Variants in MLF1 observed in about 807,000 individuals in gnomAD.
MLF1 encodes myelodysplasia-myeloid leukemia factor 1.
In MLF1, 37 loss-of-function variants were observed where a neutral mutation model predicts 38.3. The ratio of observed to expected loss-of-function variants is 0.96; its 90% confidence interval spans 0.74 to 1.27. MLF1 has a LOEUF of 1.27. Among genes scored for constraint, MLF1 ranks in the 50% most tolerant of loss-of-function variants. MLF1 has a pLI of 0.00. For synonymous variants in MLF1, 95 were observed against 106.5 expected, an observed-to-expected ratio of 0.89 and a Z score of 0.66; for missense variants, 331 against 349.2, an observed-to-expected ratio of 0.95 and a Z score of 0.42.
At chr3:158,603,460 T>A (rs1384488294) in intron 7 of MLF1, among the ~76,000 whole-genome samples, 1 of 152,216 alleles carries the variant, frequency 6.6e-6, no homozygotes, top group Non-Finnish European at 1.5e-5. Flanking sequence ...TTGGAAGAAT[T>A]TTGCAAGAAC....
intron 1 of MLF1, among the ~76,000 whole-genome samples, chr3:158,579,224 A>G (rs887770987): frequency 6.6e-6 from 1 of 152,156 alleles, no homozygotes; most frequent in Admixed American, 6.5e-5. Flanking sequence ...AAAATTTTTC[A>G]TTTGAGAAAA....
intron 1 of MLF1, among the ~76,000 whole-genome samples, chr3:158,586,408 A>T (rs1717269925): frequency 6.6e-6 from 1 of 152,148 alleles, no homozygotes; most frequent in African/African-American, 2.4e-5. Flanking sequence ...TACTGAGAGG[A>T]AATAATGGAG....
chr3:158,599,437 A>G (rs1271278016), intron 5 of MLF1, among the ~76,000 whole-genome samples: 1 of 152,226 alleles, frequency 6.6e-6, no homozygotes, highest in Non-Finnish European at 1.5e-5. Flanking sequence ...TCTTACATAT[A>G]AAGATGAACC....
chr3:158,594,602 AG>A (rs1165053485), intron 3 of MLF1, among the ~76,000 whole-genome samples: 1 of 152,200 alleles, frequency 6.6e-6, no homozygotes, highest in Admixed American at 6.5e-5. Context: ...AGGCTGTTGA[AG>A]CATTCTTGGT....
intron 1 of MLF1, among the ~76,000 whole-genome samples, chr3:158,575,017 A>G (rs551283503): frequency 1.3e-5 from 2 of 152,270 alleles, no homozygotes; most frequent in Non-Finnish European, 2.9e-5. Context: ...CAGAAGTGTA[A>G]TTTAAACTCT....
intron 1 of MLF1, among the ~76,000 whole-genome samples, chr3:158,586,279 A>T (rs1415138014): frequency 6.6e-6 from 1 of 151,970 alleles, no homozygotes; most frequent in Non-Finnish European, 1.5e-5. Context: ...AAATATATAT[A>T]AAAAAACCAT....
Position 158,592,478 on chromosome 3 carries a change from G to A in MLF1, c.92G>A (p.Arg31Lys). 6.2e-7 allele frequency: 1 copy of A among 1,611,736 alleles called. No individual in the cohort carries two copies. Among genetic ancestry groups the A allele is most frequent in the Non-Finnish European group, 8.5e-7 (1 of 1,179,198 alleles). Residue 31 changes from arginine to lysine, a missense_variant, in exon 2 of 8, where the codon AGA becomes AAA. Transcript: ENST00000466246. ...AHRENMRQMI[R>K]SFSEPFGRDL... ...CGAGAAAATATGCGACAGATGATAA[G>A]AAGTTTTTCTGAACCCTTTGGAAGA...
intron 2 of MLF1, 69 bp from the exon 3 acceptor site, chr3:158,593,313 A>C: frequency 2.5e-6 from 3 of 1,213,010 alleles, no homozygotes; most frequent in Non-Finnish European, 3.4e-6. Flanking sequence ...GTAAACATTT[A>C]ATTGGTAAAT....
chr3:158,583,931 C>T (rs1213386754), intron 1 of MLF1, among the ~76,000 whole-genome samples: 1 of 152,190 alleles, frequency 6.6e-6, no homozygotes, highest in Non-Finnish European at 1.5e-5. Context: ...ACTGGACCAA[C>T]TCTCTTGCAG....
At position 158,600,118 on chromosome 3, in the gene MLF1, G is replaced by T; in HGVS notation, c.558G>T (p.Lys186Asn). 6.8e-7 allele frequency: 1 copy of T among 1,475,540 alleles called. No individual in the cohort carries two copies. The highest frequency in any genetic ancestry group is 9.0e-7 in the Non-Finnish European group (1 of 1,105,892). 91.4% of individuals were successfully genotyped at this position (1,475,540 alleles called of 1,614,324 possible). A position where few individuals can be genotyped will look rare whatever the true frequency, so the allele number is the denominator to read the frequency against. The change falls in exon 6 of 8, where the codon AAG (lysine) becomes AAT (asparagine). Residue 186 changes from lysine to asparagine, a missense_variant. Lys to Asn is a moderately conservative substitution (Grantham distance 94). Coordinates refer to ENST00000466246, the MANE Select transcript of MLF1 (RefSeq NM_001369783.1). ...GAGCTCATGTCATTAAAAAGTCAAA[G>T]AACAAGAAGACTGGAGATGAAGAGG... ...HDRAHVIKKS[K>N]NKKTGDEEVN...
At chr3:158,588,622 AAAG>A (rs1431405318) in intron 1 of MLF1, among the ~76,000 whole-genome samples, 3 of 128,458 alleles carry the variant, frequency 2.3e-5, no homozygotes, top group Non-Finnish European at 5.5e-5. Context: ...AAAAAAAAAA[AAAG>A]CAGAAAAAAA....
In MLF1 at chr3:158,598,423, A is replaced by AC. The variant is rs1200976151; in HGVS notation, c.453+222dup. The stretch of plus-strand genomic sequence containing the variant: ...GTGGCATTTTTTTTGTAGCCCCCCC[A>AC]CCCCCCCGTGAGGGTGCCTTTTTTC... On this transcript the variant is annotated intron_variant, in intron 5 of 7. Transcript: ENST00000466246. Among the ~76,000 whole-genome samples the AC allele has an allele frequency of 5.6e-5, 7 of 125,740 alleles. No homozygotes were observed. In the South Asian group the frequency reaches 8.7e-4, roughly 16 times the overall value. The allele number at this position is 125,740 out of a possible 152,430, so 82.5% of individuals were successfully genotyped here. A position where few individuals can be genotyped will look rare whatever the true frequency, so the allele number is the denominator to read the frequency against.
At position 158,600,185 on chromosome 3, in the gene MLF1, CA is replaced by C; in HGVS notation, c.613+19del. On this transcript the variant is annotated intron_variant, in intron 6 of 7. Transcript: ENST00000466246. ...CAATATGAATGAAAGTAAGTTATCA[CA>C]AAAAAATAATATTCTTTCTTATAAA... 1.6e-5 allele frequency: 22 copies of C among 1,379,742 alleles called. No individual in the cohort carries two copies. Among genetic ancestry groups the C allele is most frequent in the South Asian group, 7.9e-5 (4 of 50,908 alleles). The allele number at this position is 1,379,742 out of a possible 1,614,324, so 85.5% of individuals were successfully genotyped here.
rs746078919 is a variant in MLF1 at position 158,582,707 on chromosome 3, G to GA, written c.48-9720dup. Reference sequence around the variant, plus strand: ...CATGAAATATATAAAGTGTTGAGAGGAAAAAAACCCACTGACCTAGAATTC... The same window carrying GA: ...CATGAAATATATAAAGTGTTGAGAGGAAAAAAAACCCACTGACCTAGAATTC... On this transcript the variant is annotated intron_variant, in intron 1 of 7. Transcript: ENST00000466246. The GA allele has an allele frequency of 2.8e-5, 14 of 500,088 alleles. 1 individual carries two copies. The highest frequency in any genetic ancestry group is 1.0e-4 in the East Asian group (3 of 30,070). The allele number at this position is 500,088 out of a possible 1,614,324, so 31.0% of individuals were successfully genotyped here. A position where few individuals can be genotyped will look rare whatever the true frequency, so the allele number is the denominator to read the frequency against.
intron 1 of MLF1, among the ~76,000 whole-genome samples, chr3:158,578,958 C>G (rs1715899365): frequency 6.6e-6 from 1 of 152,102 alleles, no homozygotes; most frequent in Admixed American, 6.6e-5. Flanking sequence ...GCAACATATA[C>G]CATGAACGTT....
intron 2 of MLF1, 124 bp from the exon 3 acceptor site, chr3:158,593,258 A>G (rs1267257175): frequency 1.3e-5 from 9 of 683,578 alleles, no homozygotes; most frequent in African/African-American, 1.9e-5. Context: ...AGGGGTTTCT[A>G]TAAAGATGAA....
chr3:158,585,144 G>T (rs564911544), intron 1 of MLF1, among the ~76,000 whole-genome samples: 1 of 152,140 alleles, frequency 6.6e-6, no homozygotes, highest in East Asian at 1.9e-4. Flanking sequence ...CATTGGTAGT[G>T]GGAGTTAATG....
At chr3:158,571,500 G>A in intron 1 of MLF1, 153 bp downstream of exon 1, 1 of 857,236 alleles carries the variant, frequency 1.2e-6, no homozygotes, top group South Asian at 1.6e-5. Flanking sequence ...GGAGGCCTGG[G>A]AGGGAAGAGA....
intron 5 of MLF1, 139 bp from the exon 6 acceptor site, chr3:158,599,875 A>T (rs1245446004): frequency 6.2e-6 from 2 of 324,754 alleles, no homozygotes; most frequent in African/African-American, 2.2e-5. Context: ...CCACAGTTTT[A>T]CCACAAGTTA....
Sources: gnomAD v4.1 joint callset for allele counts (sites outside exome capture counted in the v4.1 genomes callset) on GRCh38, gnomAD v4.1.1 for gene constraint, MANE v1.5 for transcripts, NCBI Gene and HGNC (gene_info 2026-07-23, HGNC 2026-07-21) for gene names.